Variants in PPP2R3A observed in about 807,000 individuals in gnomAD.
The protein encoded by PPP2R3A is serine/threonine-protein phosphatase 2A regulatory subunit B'' subunit alpha.
A neutral mutation model predicts 106.9 loss-of-function variants in PPP2R3A; 80 were observed. The ratio of observed to expected loss-of-function variants is 0.75; its 90% CI spans 0.62 to 0.90. PPP2R3A has a LOEUF of 0.90. Ranked by LOEUF, PPP2R3A falls within the 40% of genes least tolerant of loss-of-function variation. The probability of loss-of-function intolerance (pLI) is 0.00; values close to 1 mark genes in which losing one functional copy is unlikely to be tolerated. For missense variants in PPP2R3A, 1,386 were observed against 1,350.4 expected, an observed-to-expected ratio of 1.03 and a Z score of -0.41; for synonymous variants, 483 against 468.3, an observed-to-expected ratio of 1.03 and a Z score of -0.41.
chr3:136,008,245 G>C (rs1440463154), intron 2 of PPP2R3A, among the ~76,000 whole-genome samples: 1 of 152,170 alleles, frequency 6.6e-6, no homozygotes, highest in Non-Finnish European at 1.5e-5. Context: ...ATGTCACTGA[G>C]GGAAAATGTT....
At chr3:135,981,758 G>A (rs1937541708) in intron 1 of PPP2R3A, among the ~76,000 whole-genome samples, 2 of 151,654 alleles carry the variant, frequency 1.3e-5, no homozygotes, top group Non-Finnish European at 2.9e-5. Context: ...CTACATAATA[G>A]GGCAGAGAGT....
At chr3:136,101,636 G>T (rs1243725261) in intron 10 of PPP2R3A, among the ~76,000 whole-genome samples, 1 of 152,142 alleles carries the variant, frequency 6.6e-6, no homozygotes, top group Non-Finnish European at 1.5e-5. Context: ...ATGTTGGCCA[G>T]GCTGATCTCA....
intron 10 of PPP2R3A, 27 bp downstream of exon 10, chr3:136,090,694 A>G (rs1937074420): frequency 1.9e-6 from 3 of 1,579,722 alleles, no homozygotes; most frequent in Non-Finnish European, 2.6e-6. Flanking sequence ...TCCTTTGCCA[A>G]GATGTTAAAC....
At chr3:136,025,361 T>C (rs571087898) in intron 2 of PPP2R3A, among the ~76,000 whole-genome samples, 1 of 152,216 alleles carries the variant, frequency 6.6e-6, no homozygotes, top group Admixed American at 6.5e-5. Context: ...TCCTTGACTA[T>C]TGCTTTATAT....
intron 11 of PPP2R3A, among the ~76,000 whole-genome samples, chr3:136,102,421 A>C (rs1937402267): frequency 7.1e-6 from 1 of 141,556 alleles, no homozygotes; most frequent in Non-Finnish European, 1.5e-5. Context: ...ATCTCAGCTC[A>C]CTGCAACCTC....
chr3:136,043,674 G>A (rs968942762), intron 4 of PPP2R3A, among the ~76,000 whole-genome samples: 5 of 152,192 alleles, frequency 3.3e-5, no homozygotes, highest in African/African-American at 1.2e-4. Flanking sequence ...AGGTCCTAGA[G>A]TATCAGCTTT....
intron 1 of PPP2R3A, among the ~76,000 whole-genome samples, chr3:135,981,959 C>G (rs1171096629): frequency 6.6e-6 from 1 of 151,690 alleles, no homozygotes; most frequent in African/African-American, 2.4e-5. Context: ...TTGTATTACT[C>G]TGGTAGTGCT....
chr3:136,131,232 C>T (rs994471112), intron 13 of PPP2R3A, among the ~76,000 whole-genome samples: 3 of 152,152 alleles, frequency 2.0e-5, no homozygotes, highest in Non-Finnish European at 4.4e-5. Context: ...AACAGGCAAC[C>T]TACAGAATGG....
At chr3:136,131,730 C>T (rs1211545072) in intron 13 of PPP2R3A, among the ~76,000 whole-genome samples, 3 of 152,146 alleles carry the variant, frequency 2.0e-5, no homozygotes, top group African/African-American at 7.2e-5. Flanking sequence ...TATTGTGGCA[C>T]TATTTGCAAT....
chr3:136,114,146 C>G (rs1371219680), intron 13 of PPP2R3A, among the ~76,000 whole-genome samples: 6 of 152,074 alleles, frequency 3.9e-5, no homozygotes, highest in Non-Finnish European at 5.9e-5. Flanking sequence ...CATCGCCTCA[C>G]CCAGGAAGCA....
chr3:136,080,507 GCCAATC>G (rs1183023061), intron 7 of PPP2R3A, among the ~76,000 whole-genome samples: 1 of 152,152 alleles, frequency 6.6e-6, no homozygotes, highest in Admixed American at 6.5e-5. Context: ...TTCATTTTAT[GCCAATC>G]CAGTGGGTAA....
chr3:136,078,086 A>G (rs1341255394), intron 6 of PPP2R3A, among the ~76,000 whole-genome samples: 2 of 152,242 alleles, frequency 1.3e-5, no homozygotes, highest in Non-Finnish European at 2.9e-5. Flanking sequence ...GCATCACTGT[A>G]TAAATTAGAG....
Position 135,991,322 on chromosome 3 carries a change from C to T in PPP2R3A, c.-440-9737C>T, listed in dbSNP as rs549305707. Among the ~76,000 whole-genome samples the T allele has an allele frequency of 4.6e-5, 7 of 151,932 alleles. No individual in the cohort carries two copies. In the South Asian group the frequency reaches 1.5e-3, roughly 32 times the overall value. ...AATGATTTTTACCCATAGAATGTTA[C>T]CTGATTTTTATATGTTCTCCTCCAA... On this transcript the variant is annotated intron_variant, in intron 1 of 13. Coordinates refer to ENST00000264977, the MANE Select transcript of PPP2R3A (RefSeq NM_002718.5).
In PPP2R3A at chr3:136,044,482, G is replaced by A. The variant is rs140005616; in HGVS notation, c.2366+3520G>A. Among the ~76,000 whole-genome samples, 449 of 148,728 alleles carry A rather than the reference G, an allele frequency of 3.0e-3. 3 individuals carry two copies. The highest frequency in any genetic ancestry group is 0.011 in the African/African-American group (429 of 39,980). ...ACCTGTAATCCTAGCTACTTGGGAG[G>A]ATCGCTTGAGCCTAGGAGTTTGAGG... is the stretch of plus-strand genomic sequence containing the variant. On this transcript the variant is annotated intron_variant, in intron 4 of 13. Coordinates refer to ENST00000264977, the MANE Select transcript of PPP2R3A (RefSeq NM_002718.5).
At chr3:136,133,282 A>T (rs529763849) in intron 13 of PPP2R3A, among the ~76,000 whole-genome samples, 1 of 152,320 alleles carries the variant, frequency 6.6e-6, no homozygotes, top group African/African-American at 2.4e-5. Flanking sequence ...CAGAATATGT[A>T]AAGAACTCTA....
At chr3:136,042,368 G>A (rs1935317380) in intron 4 of PPP2R3A, among the ~76,000 whole-genome samples, 1 of 152,098 alleles carries the variant, frequency 6.6e-6, no homozygotes, top group South Asian at 2.1e-4. Flanking sequence ...GAGAGCATTA[G>A]GAAAAATAGC....
chr3:136,141,885 G>A (rs1166706723), intron 13 of PPP2R3A, among the ~76,000 whole-genome samples: 1 of 152,196 alleles, frequency 6.6e-6, no homozygotes, highest in Non-Finnish European at 1.5e-5. Flanking sequence ...AGTGAGGTGA[G>A]GAAAGAGGAA....
At chr3:136,114,115 G>T (rs1399472263) in intron 13 of PPP2R3A, among the ~76,000 whole-genome samples, 1 of 152,166 alleles carries the variant, frequency 6.6e-6, no homozygotes, top group African/African-American at 2.4e-5. Context: ...CCCATGGAGG[G>T]TGACCCGAAG....
rs558764247 is a variant in PPP2R3A, at chr3:136,145,952, T to C, written c.*786T>C. ...GAACTATTGAATGATGTATTTAATA[T>C]CCAAATTAGTTGATAACTGTTTTCA... is the stretch of plus-strand genomic sequence containing the variant. On this transcript the variant is annotated 3_prime_UTR_variant, in exon 14 of 14. Transcript: ENST00000264977. 1.3e-5 allele frequency: 2 copies of C among 152,370 alleles called. No individual in the cohort carries two copies. The highest frequency in any genetic ancestry group is 4.1e-4 in the South Asian group (2 of 4,830). The allele number at this position is 152,370 out of a possible 1,614,324, so 9.4% of individuals were successfully genotyped here.
Sources: allele counts gnomAD v4.1 joint callset (sites outside exome capture counted in the v4.1 genomes callset), GRCh38; gene constraint gnomAD v4.1.1; transcripts MANE v1.5; gene names NCBI Gene and HGNC (gene_info 2026-07-23, HGNC 2026-07-21).